Variants in PARVA observed in about 807,000 individuals in gnomAD.
PARVA encodes parvin alpha, also known as alpha-parvin.
In PARVA, 25 loss-of-function variants were observed where a neutral mutation model predicts 52.6. That is an observed-to-expected ratio of 0.48 (90% confidence interval 0.35 to 0.66). The LOEUF is 0.66. Among genes scored for constraint, PARVA ranks in the 30% least tolerant of loss-of-function variants. The pLI is 0.01. For missense variants in PARVA, 373 were observed against 450.9 expected, an observed-to-expected ratio of 0.83 and a Z score of 1.56; for synonymous variants, 185 against 179.1, an observed-to-expected ratio of 1.03 and a Z score of -0.26.
chr11:12,403,131 C>G (rs1939853040), intron 1 of PARVA, among the ~76,000 whole-genome samples: 1 of 152,268 alleles, frequency 6.6e-6, no homozygotes. Flanking sequence ...TCTTCTCAGT[C>G]TCCCTTCTCT....
At chr11:12,377,329 G>T, upstream of PARVA, 1 of 984,830 alleles carries the variant, frequency 1.0e-6, no homozygotes, top group Non-Finnish European at 1.4e-6. Flanking sequence ...AAGCTTTCCG[G>T]CTCGACCGCT....
chr11:12,426,752 C>G (rs535526858), intron 1 of PARVA, among the ~76,000 whole-genome samples: 1 of 151,982 alleles, frequency 6.6e-6, no homozygotes, highest in East Asian at 1.9e-4. Flanking sequence ...AAGCTCTGCC[C>G]GCTGCCTGAC....
At chr11:12,454,620 C>T (rs1306606425) in intron 1 of PARVA, among the ~76,000 whole-genome samples, 1 of 151,668 alleles carries the variant, frequency 6.6e-6, no homozygotes, top group Non-Finnish European at 1.5e-5. Context: ...TGGAAAACTT[C>T]TAACAATTAC....
At chr11:12,441,664 A>G (rs1224968443) in intron 1 of PARVA, among the ~76,000 whole-genome samples, 2 of 152,216 alleles carry the variant, frequency 1.3e-5, no homozygotes, top group Non-Finnish European at 2.9e-5. Flanking sequence ...CATAAACTCT[A>G]TTTCCTACAG....
chr11:12,473,484 G>A (rs1940960909), intron 1 of PARVA, among the ~76,000 whole-genome samples: 1 of 152,096 alleles, frequency 6.6e-6, no homozygotes, highest in Non-Finnish European at 1.5e-5. Flanking sequence ...TCTGAGAGGA[G>A]GGAGATTTCT....
intron 1 of PARVA, among the ~76,000 whole-genome samples, chr11:12,443,076 T>C (rs1940490949): frequency 6.6e-6 from 1 of 151,758 alleles, no homozygotes; most frequent in African/African-American, 2.4e-5. Context: ...TTAGCCAGGA[T>C]GGTCTTGATC....
At chr11:12,467,553 A>AT (rs1447225810) in intron 1 of PARVA, among the ~76,000 whole-genome samples, 2 of 152,272 alleles carry the variant, frequency 1.3e-5, no homozygotes, top group Non-Finnish European at 2.9e-5. Context: ...TTTCAGATTG[A>AT]TTTTTCACAT....
At chr11:12,482,699 T>G (rs2135046543) in intron 4 of PARVA, among the ~76,000 whole-genome samples, 1 of 151,778 alleles carries the variant, frequency 6.6e-6, no homozygotes, top group South Asian at 2.1e-4. Context: ...CAATCATGGC[T>G]GAAGGCGAAT....
intron 1 of PARVA, among the ~76,000 whole-genome samples, chr11:12,399,984 G>C (rs1939803128): frequency 6.6e-6 from 1 of 152,038 alleles, no homozygotes; most frequent in Non-Finnish European, 1.5e-5. Context: ...CATTATGAAG[G>C]CTTTTAAATT....
chr11:12,432,979 T>C (rs1940335900), intron 1 of PARVA, among the ~76,000 whole-genome samples: 1 of 152,200 alleles, frequency 6.6e-6, no homozygotes, highest in African/African-American at 2.4e-5. Flanking sequence ...CCAGACACGA[T>C]TTAAAAAATT....
intron 12 of PARVA, among the ~76,000 whole-genome samples, chr11:12,521,297 A>G (rs918758998): frequency 4.6e-5 from 7 of 152,314 alleles, no homozygotes; most frequent in Admixed American, 4.6e-4. Flanking sequence ...GAAAATGTTC[A>G]ACTCCCCCAT....
In PARVA at chr11:12,443,207, C is replaced by T. The variant is rs1176848821; in HGVS notation, c.137-30538C>T. ...TTTTTTTTTGAGATGGAGTCTCGCT[C>T]TGTCGTCAGGTTGGAGTGCAGTGGT... On this transcript the variant is annotated intron_variant, in intron 1 of 12. Coordinates refer to ENST00000334956, the MANE Select transcript of PARVA (RefSeq NM_018222.5). Among the ~76,000 whole-genome samples, 31 of 118,604 alleles carry T rather than the reference C, an allele frequency of 2.6e-4. No homozygotes were observed. The Admixed American group carries it at 3.6e-3, about 14-fold the overall frequency. 77.8% of individuals were successfully genotyped at this position (118,604 alleles called of 152,430 possible). A position where few individuals can be genotyped will look rare whatever the true frequency, so the allele number is the denominator to read the frequency against.
intron 1 of PARVA, among the ~76,000 whole-genome samples, chr11:12,420,308 A>T (rs1940129941): frequency 6.6e-6 from 1 of 152,214 alleles, no homozygotes; most frequent in Admixed American, 6.5e-5. Context: ...AAAACACTAG[A>T]TCAAATTATT....
At chr11:12,505,464 C>T (rs894324017) in intron 6 of PARVA, among the ~76,000 whole-genome samples, 2 of 152,188 alleles carry the variant, frequency 1.3e-5, no homozygotes, top group African/African-American at 4.8e-5. Flanking sequence ...AGTTGTCCCC[C>T]AGTGAAAAAC....
intron 12 of PARVA, among the ~76,000 whole-genome samples, chr11:12,519,231 G>A (rs1206168642): frequency 6.6e-6 from 1 of 152,152 alleles, no homozygotes; most frequent in Non-Finnish European, 1.5e-5. Context: ...TGCCATCTGT[G>A]GCCCTTTTGC....
chr11:12,401,194 A>G (rs1247203136), intron 1 of PARVA, among the ~76,000 whole-genome samples: 2 of 152,236 alleles, frequency 1.3e-5, no homozygotes, highest in Non-Finnish European at 2.9e-5. Context: ...ACAAAAGAGC[A>G]TACTTGGAAT....
At chr11:12,449,327 T>C (rs1940592740) in intron 1 of PARVA, among the ~76,000 whole-genome samples, 1 of 151,924 alleles carries the variant, frequency 6.6e-6, no homozygotes, top group Non-Finnish European at 1.5e-5. Context: ...CTGGCTAATT[T>C]TTGTATTTTT....
At chr11:12,496,006 G>A (rs1343929518) in intron 4 of PARVA, among the ~76,000 whole-genome samples, 1 of 152,184 alleles carries the variant, frequency 6.6e-6, no homozygotes, top group Non-Finnish European at 1.5e-5. Flanking sequence ...CCTTCCAGGT[G>A]GGTTTAAAAG....
At chr11:12,395,364 A>G (rs892189375) in intron 1 of PARVA, among the ~76,000 whole-genome samples, 3 of 152,224 alleles carry the variant, frequency 2.0e-5, no homozygotes, top group African/African-American at 7.2e-5. Flanking sequence ...ACAGGTCTTC[A>G]GGGGCTCTGT....
Sources: allele counts gnomAD v4.1 joint callset (sites outside exome capture counted in the v4.1 genomes callset), GRCh38; gene constraint gnomAD v4.1.1; transcripts MANE v1.5; gene names NCBI Gene and HGNC (gene_info 2026-07-23, HGNC 2026-07-21).